The following TEX2 variants were observed in gnomAD, a reference collection of about 807,000 sequenced individuals.
TEX2 encodes testis-expressed protein 2.
Under a neutral mutation model 106.9 loss-of-function variants are expected in TEX2, and 53 were observed. That is an observed-to-expected ratio of 0.50 (90% confidence interval 0.40 to 0.62). The LOEUF is 0.62. TEX2 is among the 20% of genes least tolerant of loss of function. The pLI is 0.00. For synonymous variants in TEX2, 523 were observed against 534.8 expected (o/e 0.98, Z 0.30); for missense variants, 1,207 against 1,379.0 (o/e 0.88, Z 1.98).
intron 1 of TEX2, among the ~76,000 whole-genome samples, chr17:64,257,916 C>CTT (rs566218290): frequency 2.2e-4 from 32 of 145,414 alleles, no homozygotes; most frequent in African/African-American, 6.7e-4. Flanking sequence ...TATAACCGTT[C>CTT]TTTTTTTTTT....
intron 4 of TEX2, among the ~76,000 whole-genome samples, chr17:64,188,728 A>G (rs1461109139): frequency 1.3e-5 from 2 of 151,642 alleles, no homozygotes; most frequent in Admixed American, 1.3e-4. Flanking sequence ...AGGCAGGAGA[A>G]TGGTGTGAAC....
chr17:64,191,155 C>T (rs1237319716), intron 4 of TEX2, among the ~76,000 whole-genome samples: 4 of 152,192 alleles, frequency 2.6e-5, no homozygotes, highest in South Asian at 2.1e-4. Context: ...TACAGATGTA[C>T]GAAGACATTA....
At chr17:64,193,462 G>GGGTTCGTT in intron 4 of TEX2, 97 bp downstream of exon 4, 1 of 1,001,606 alleles carries the variant, frequency 1.0e-6, no homozygotes, top group Non-Finnish European at 1.4e-6. Context: ...GTTCAGGGTG[G>GGGTTCGTT]GCTTCCTTCC....
At chr17:64,181,200 G>A (rs1193189531) in intron 5 of TEX2, among the ~76,000 whole-genome samples, 3 of 152,012 alleles carry the variant, frequency 2.0e-5, no homozygotes, top group Non-Finnish European at 4.4e-5. Context: ...AAATTAGGCC[G>A]GGCGTGGTGG....
At chr17:64,229,815 T>C (rs1555634392) in intron 1 of TEX2, among the ~76,000 whole-genome samples, 2 of 152,196 alleles carry the variant, frequency 1.3e-5, no homozygotes, top group African/African-American at 4.8e-5. Flanking sequence ...TCAAATCATA[T>C]TAGGAAATTA....
chr17:64,149,412 T>C, intron 11 of TEX2: 1 of 229,204 alleles, frequency 4.4e-6, no homozygotes, highest in South Asian at 6.8e-5. Context: ...CTGTTCACAG[T>C]AGTTCCCAGT....
intron 1 of TEX2, among the ~76,000 whole-genome samples, chr17:64,232,782 G>A (rs1483568480): frequency 6.6e-6 from 1 of 152,212 alleles, no homozygotes; most frequent in Non-Finnish European, 1.5e-5. Context: ...GATGGTTTGG[G>A]TAGCTTTTGT....
chr17:64,189,496 A>G (rs1360474452), intron 4 of TEX2, among the ~76,000 whole-genome samples: 1 of 152,200 alleles, frequency 6.6e-6, no homozygotes, highest in Non-Finnish European at 1.5e-5. Flanking sequence ...AGTTCTAAGC[A>G]TAGTACGGGG....
intron 1 of TEX2, among the ~76,000 whole-genome samples, chr17:64,232,516 A>G (rs144205929): frequency 2.0e-5 from 3 of 152,362 alleles, no homozygotes; most frequent in African/African-American, 7.2e-5. Context: ...CACAGGTGTG[A>G]TAATAAGCAT....
intron 1 of TEX2, chr17:64,230,544 G>C (rs1339634201): frequency 1.3e-5 from 2 of 152,268 alleles, no homozygotes; most frequent in Non-Finnish European, 2.9e-5. Context: ...ATTGCCCACT[G>C]ATGAGATGAT....
chr17:64,182,708 A>C (rs2031925495), intron 5 of TEX2, among the ~76,000 whole-genome samples: 1 of 152,168 alleles, frequency 6.6e-6, no homozygotes, highest in Admixed American at 6.6e-5. Context: ...ATTTCCTATA[A>C]ATGAAGTCAT....
intron 3 of TEX2, among the ~76,000 whole-genome samples, chr17:64,194,360 C>G (rs1296679615): frequency 6.6e-6 from 1 of 152,128 alleles, no homozygotes; most frequent in Non-Finnish European, 1.5e-5. Context: ...TTGGAGAAAT[C>G]TAAAGATCAT....
intron 2 of TEX2, among the ~76,000 whole-genome samples, chr17:64,208,480 T>C (rs1425631956): frequency 2.0e-5 from 3 of 151,622 alleles, no homozygotes; most frequent in Non-Finnish European, 4.4e-5. Flanking sequence ...CCTCAAGCAA[T>C]CCTCTGCCTT....
intron 4 of TEX2, among the ~76,000 whole-genome samples, chr17:64,189,308 T>G (rs2032208699): frequency 1.3e-5 from 2 of 152,228 alleles, no homozygotes; most frequent in South Asian, 4.1e-4. Context: ...CCCAAGAGAC[T>G]GGAGCGGTGC....
rs67965706 is a variant in TEX2 at position 64,240,233 on chromosome 17, ATGTGTGTG to A, written c.-26+22927_-26+22934del. ...TGTATATAAGTATGTGTATATGCAG[ATGTGTGTG>A]TGTGTGTGTGTGTGTGTGTGTGTAA... is the stretch of plus-strand genomic sequence containing the variant. On this transcript the variant is annotated intron_variant, in intron 1 of 11. Transcript: ENST00000584379. 2.5e-4 allele frequency among the ~76,000 whole-genome samples: 37 copies of A among 147,416 alleles called. No individual in the cohort carries two copies. The South Asian group carries it at 4.4e-3, about 17-fold the overall frequency.
At chr17:64,222,001 C>T (rs2033370751) in intron 1 of TEX2, among the ~76,000 whole-genome samples, 1 of 152,016 alleles carries the variant, frequency 6.6e-6, no homozygotes, top group Non-Finnish European at 1.5e-5. Context: ...ATGAAGAGTT[C>T]CATGGGCTGG....
chr17:64,173,525 A>AT (rs1189019092), intron 6 of TEX2, among the ~76,000 whole-genome samples: 1 of 152,166 alleles, frequency 6.6e-6, no homozygotes, highest in Non-Finnish European at 1.5e-5. Flanking sequence ...GTAATCTCTG[A>AT]TTTTTTGTGG....
chr17:64,245,337 T>C (rs1484891595), intron 1 of TEX2, among the ~76,000 whole-genome samples: 1 of 152,178 alleles, frequency 6.6e-6, no homozygotes, highest in Non-Finnish European at 1.5e-5. Context: ...TGAAATCTAT[T>C]TAAATGGAAT....
chr17:64,212,823 G>T lies in TEX2; in HGVS notation c.1395C>A (p.Ala465=). 4 of 1,614,010 alleles carry T rather than the reference G, an allele frequency of 2.5e-6. No individual in the cohort carries two copies. Among genetic ancestry groups the T allele is most frequent in the Non-Finnish European group, 3.4e-6 (4 of 1,180,010 alleles). ...TCACTGGCAATTCCGGGTGCTGCAC[G>T]GCCGAGTCCACCTCGTCCTCACTGT... ...VLDSEDEVDS[A]VQHPELPVKT... Residue 465 remains alanine (A), a synonymous_variant, in exon 2 of 12, where the codon GCC becomes GCA. Transcript: ENST00000584379.
Sources: gnomAD v4.1 joint callset for allele counts (sites outside exome capture counted in the v4.1 genomes callset) on GRCh38, gnomAD v4.1.1 for gene constraint, MANE v1.5 for transcripts, NCBI Gene and HGNC (gene_info 2026-07-23, HGNC 2026-07-21) for gene names.